Variants in CHODL observed in about 807,000 individuals in gnomAD.
The protein encoded by CHODL is transmembrane protein MT75.
CHODL carries 29 observed loss-of-function variants against 34.5 expected under a neutral mutation model. The observed-to-expected ratio is 0.84, with a 90% CI of 0.63 to 1.15. CHODL has a LOEUF of 1.15. Among genes scored for constraint, CHODL ranks in the 50% most tolerant of loss-of-function variants. The pLI, the probability that CHODL is intolerant of heterozygous loss-of-function variation, is 0.00. For missense variants in CHODL, 332 were observed against 332.5 expected (o/e 1.00, Z 0.01); for synonymous variants, 125 against 116.1 (o/e 1.08, Z -0.49).
At chr21:18,209,244 G>T (rs1327954001) in intron 2 of CHODL, among the ~76,000 whole-genome samples, 1 of 152,132 alleles carries the variant, frequency 6.6e-6, no homozygotes, top group Non-Finnish European at 1.5e-5. Context: ...AAGACAAAAA[G>T]TTCTTCCTGC....
chr21:18,164,491 G>A (rs1371886786), intron 2 of CHODL, among the ~76,000 whole-genome samples: 1 of 152,156 alleles, frequency 6.6e-6, no homozygotes, highest in Non-Finnish European at 1.5e-5. Flanking sequence ...TAAAAGCAAA[G>A]GCTTTGGAAT....
chr21:18,083,854 G>C (rs985422214), intron 2 of CHODL, among the ~76,000 whole-genome samples: 22 of 152,196 alleles, frequency 1.4e-4, no homozygotes, highest in African/African-American at 4.6e-4. Flanking sequence ...GAAGGGACTT[G>C]CCTTGCCTCA....
intron 5 of CHODL, 56 bp from the exon 6 acceptor site, chr21:18,265,898 A>T: frequency 7.2e-7 from 1 of 1,397,268 alleles, no homozygotes; most frequent in Middle Eastern, 2.1e-4. Flanking sequence ...GGACGTAGAC[A>T]TGCTTAGTTT....
chr21:18,035,786 T>G (rs996784779), intron 2 of CHODL, among the ~76,000 whole-genome samples: 6 of 120,700 alleles, frequency 5.0e-5, no homozygotes, highest in African/African-American at 1.7e-4. Context: ...GAAAATTCAA[T>G]TTGGATCTTC....
intron 1 of CHODL, among the ~76,000 whole-genome samples, chr21:17,997,975 T>C (rs922362232): frequency 6.6e-6 from 1 of 152,202 alleles, no homozygotes; most frequent in African/African-American, 2.4e-5. Context: ...TCTTAACTCA[T>C]TTCAGCATTA....
At chr21:18,031,264 T>C (rs992257631) in intron 2 of CHODL, among the ~76,000 whole-genome samples, 1 of 152,158 alleles carries the variant, frequency 6.6e-6, no homozygotes, top group African/African-American at 2.4e-5. Context: ...AAAGATGTCA[T>C]AAGTCTTTAA....
intron 2 of CHODL, among the ~76,000 whole-genome samples, chr21:18,039,359 G>A (rs1173512149): frequency 6.6e-6 from 1 of 151,622 alleles, no homozygotes; most frequent in African/African-American, 2.4e-5. Context: ...GATTGTGGTA[G>A]GGAGTAAAGG....
chr21:18,255,923 CT>C (rs1410848551), intron 1 of CHODL, among the ~76,000 whole-genome samples: 2 of 152,024 alleles, frequency 1.3e-5, no homozygotes, highest in Non-Finnish European at 2.9e-5. Context: ...TATCTTGTCA[CT>C]TCCAATGTAA....
chr21:18,228,472 G>T (rs1036799680), intron 2 of CHODL, among the ~76,000 whole-genome samples: 2 of 152,098 alleles, frequency 1.3e-5, no homozygotes, highest in Non-Finnish European at 2.9e-5. Flanking sequence ...TCTGTGCTAC[G>T]CAAGGAACAC....
chr21:18,046,314 G>T (rs17002293), intron 2 of CHODL, among the ~76,000 whole-genome samples: 1 of 151,860 alleles, frequency 6.6e-6, no homozygotes, highest in Non-Finnish European at 1.5e-5. Flanking sequence ...CAAAGAGTGG[G>T]CTGTCAGAAA....
chr21:18,141,081 G>T (rs985022083), intron 2 of CHODL, among the ~76,000 whole-genome samples: 6 of 151,954 alleles, frequency 3.9e-5, no homozygotes, highest in Non-Finnish European at 7.4e-5. Flanking sequence ...AAAGACAAAA[G>T]CATAATGTAG....
At chr21:18,172,411 C>G (rs900252089) in intron 2 of CHODL, among the ~76,000 whole-genome samples, 2 of 152,304 alleles carry the variant, frequency 1.3e-5, no homozygotes, top group South Asian at 4.1e-4. Context: ...TTCTAAACCT[C>G]TTTTGCCCCA....
Position 18,262,828 on chromosome 21 carries a change from A to G in CHODL, c.672A>G (p.Thr224=). 6.2e-7 allele frequency: 1 copy of G among 1,609,270 alleles called. No individual in the cohort carries two copies. The highest frequency in any genetic ancestry group is 1.1e-5 in the South Asian group (1 of 90,926). The part of the protein sequence containing the change: ...IPNLIYVVIP[T]IPLLLLILVA... Reference sequence around the variant, plus strand: ...ATCTAATTTATGTTGTTATACCAACAATACCCCTGCTCTTACTGATACTGG... The same window carrying G: ...ATCTAATTTATGTTGTTATACCAACGATACCCCTGCTCTTACTGATACTGG... Residue 224 remains threonine, a synonymous_variant, in exon 5 of 6, where the codon ACA becomes ACG. Transcript: ENST00000299295.
In CHODL at chr21:18,052,492, G is replaced by T. The variant is rs115972397; in HGVS notation, c.-45+24521G>T. ...TGTTAAATAACAAAACATTTTGATA[G>T]TTCCTTTGTTAAAAGTATAAGTCTG... is the stretch of plus-strand genomic sequence containing the variant. On this transcript the variant is annotated intron_variant, in intron 2 of 6. Transcript: ENST00000400127. Among the ~76,000 whole-genome samples, 1,382 of 151,950 alleles carry T rather than the reference G, an allele frequency of 9.1e-3. 25 individuals carry two copies. Among genetic ancestry groups the T allele is most frequent in the African/African-American group, 0.031 (1,302 of 41,482 alleles).
chr21:18,217,347 T>C (rs1481522948), intron 2 of CHODL, among the ~76,000 whole-genome samples: 4 of 152,044 alleles, frequency 2.6e-5, no homozygotes, highest in African/African-American at 9.7e-5. Context: ...CTTACAATCA[T>C]GTCAGAAGGG....
chr21:17,936,646 C>T (rs911774037), intron 1 of CHODL, among the ~76,000 whole-genome samples: 1 of 152,076 alleles, frequency 6.6e-6, no homozygotes, highest in Admixed American at 6.5e-5. Context: ...AGGAATCCAG[C>T]AGTGCAGGAA....
At position 18,075,104 on chromosome 21, in the gene CHODL, T is replaced by C. The variant is rs570042527; in HGVS notation, c.-45+47133T>C. 7.9e-5 allele frequency among the ~76,000 whole-genome samples: 12 copies of C among 152,296 alleles called. No individual in the cohort carries two copies. The Middle Eastern group carries it at 0.01, about 130-fold the overall frequency. ...TGAATTTTTGAATGTATATTCAGAG[T>C]CACTTCTATTTCAGAATGACAACTT... On this transcript the variant is annotated intron_variant, in intron 2 of 6. Transcript: ENST00000400127.
At chr21:17,977,052 G>A (rs1328607421) in intron 1 of CHODL, among the ~76,000 whole-genome samples, 3 of 152,174 alleles carry the variant, frequency 2.0e-5, no homozygotes, top group Non-Finnish European at 4.4e-5. Context: ...ACACTTTAAA[G>A]GAGGCCATGG....
chr21:18,098,503 A>C (rs1241270743), intron 2 of CHODL, among the ~76,000 whole-genome samples: 1 of 152,128 alleles, frequency 6.6e-6, no homozygotes, highest in Non-Finnish European at 1.5e-5. Flanking sequence ...CTCATCAGAG[A>C]AATGTAAATC....
Sources: gnomAD v4.1 joint callset for allele counts (sites outside exome capture counted in the v4.1 genomes callset) on GRCh38, gnomAD v4.1.1 for gene constraint, MANE v1.5 for transcripts, NCBI Gene and HGNC (gene_info 2026-07-23, HGNC 2026-07-21) for gene names.